The following KCNT2 variants were observed in gnomAD, a reference collection of about 807,000 sequenced individuals.
The protein encoded by KCNT2 is potassium channel subfamily T member 2.
A neutral mutation model predicts 153.8 loss-of-function variants in KCNT2; 67 were observed. The observed-to-expected ratio is 0.44, with a 90% CI of 0.36 to 0.53. The LOEUF (loss-of-function observed/expected upper bound fraction) is 0.53. Ranked by LOEUF, KCNT2 falls within the 20% of genes least tolerant of loss-of-function variation. The pLI is 0.00. For missense variants in KCNT2, 975 were observed against 1,354.8 expected (o/e 0.72, Z 4.40); for synonymous variants, 500 against 458.8 (o/e 1.09, Z -1.15).
chr1:196,513,526 T>C (rs1681807138), intron 1 of KCNT2, among the ~76,000 whole-genome samples: 1 of 152,160 alleles, frequency 6.6e-6, no homozygotes, highest in Non-Finnish European at 1.5e-5. Context: ...CAGACTTAAT[T>C]ATCGTACAAT....
At chr1:196,566,750 T>C (rs184278581) in intron 1 of KCNT2, among the ~76,000 whole-genome samples, 30 of 152,222 alleles carry the variant, frequency 2.0e-4, no homozygotes, top group Admixed American at 7.2e-4. Flanking sequence ...ATTTTGTATA[T>C]CACCATAGCA....
chr1:196,458,420 A>C (rs903817183), intron 8 of KCNT2, among the ~76,000 whole-genome samples: 6 of 151,924 alleles, frequency 3.9e-5, no homozygotes, highest in Admixed American at 6.6e-5. Context: ...CTTAAGTGTT[A>C]TCTTTGACAC....
chr1:196,411,470 C>T (rs1262910575), intron 12 of KCNT2, among the ~76,000 whole-genome samples: 10 of 92,530 alleles, frequency 1.1e-4, no homozygotes, highest in Admixed American at 2.3e-4. Context: ...AAAAAAAAAA[C>T]GGCCAGTGAG....
intron 1 of KCNT2, among the ~76,000 whole-genome samples, chr1:196,542,207 T>C (rs1321343524): frequency 6.6e-6 from 1 of 152,120 alleles, no homozygotes; most frequent in Non-Finnish European, 1.5e-5. Context: ...AGTAAGAGAA[T>C]ATAGTTTCTA....
intron 1 of KCNT2, among the ~76,000 whole-genome samples, chr1:196,592,956 A>C (rs971341715): frequency 2.7e-5 from 4 of 150,358 alleles, no homozygotes; most frequent in African/African-American, 9.7e-5. Context: ...ATGTGGGGGG[A>C]ACAGGTAGTA....
At chr1:196,328,112 AAAAG>A (rs985033593) in intron 18 of KCNT2, among the ~76,000 whole-genome samples, 17 of 152,324 alleles carry the variant, frequency 1.1e-4, no homozygotes, top group East Asian at 3.9e-4. Flanking sequence ...ATGTTTAAAT[AAAAG>A]AAAGAAAGTA....
intron 1 of KCNT2, among the ~76,000 whole-genome samples, chr1:196,570,768 C>T (rs1436798506): frequency 6.6e-6 from 1 of 152,088 alleles, no homozygotes; most frequent in East Asian, 1.9e-4. Context: ...TAGATTCTTA[C>T]TTGCTACTGG....
intron 3 of KCNT2, among the ~76,000 whole-genome samples, chr1:196,484,866 A>C (rs1337645678): frequency 6.6e-6 from 1 of 152,108 alleles, no homozygotes; most frequent in Non-Finnish European, 1.5e-5. Flanking sequence ...AAATTAGTTC[A>C]ACCATTGTCA....
intron 24 of KCNT2, among the ~76,000 whole-genome samples, chr1:196,281,852 G>A (rs1224067087): frequency 6.6e-6 from 1 of 151,634 alleles, no homozygotes; most frequent in Non-Finnish European, 1.5e-5. Flanking sequence ...TGCCCCCTGG[G>A]TTCACGCCAT....
chr1:196,576,724 T>A (rs1358466465), intron 1 of KCNT2, among the ~76,000 whole-genome samples: 4 of 152,136 alleles, frequency 2.6e-5, no homozygotes, highest in Non-Finnish European at 5.9e-5. Context: ...TTTAAATATG[T>A]ATGTTTATAG....
At chr1:196,568,465 C>G (rs972186914) in intron 1 of KCNT2, among the ~76,000 whole-genome samples, 1 of 151,614 alleles carries the variant, frequency 6.6e-6, no homozygotes, top group Non-Finnish European at 1.5e-5. Context: ...GTGTGGTGGC[C>G]GGCGCCTATA....
In KCNT2 at chr1:196,586,063, C is replaced by G. The variant is rs986985680; in HGVS notation, c.95+22152G>C. Among the ~76,000 whole-genome samples, 3 of 151,902 alleles carry G rather than the reference C, an allele frequency of 2.0e-5. 1 individual carries two copies. The highest frequency in any genetic ancestry group is 1.3e-4 in the Admixed American group (2 of 15,220). On this transcript the variant is annotated intron_variant, in intron 1 of 27. Transcript: ENST00000294725. ...CTCCTTGAACTCAGGAGTTTGAGACCAGCCTGCGCAACATGGCAAAACCCC... is the reference window on the plus strand; with the variant it reads ...CTCCTTGAACTCAGGAGTTTGAGACGAGCCTGCGCAACATGGCAAAACCCC...
chr1:196,230,377 C>A (rs1653843055), intron 27 of KCNT2, among the ~76,000 whole-genome samples: 1 of 151,936 alleles, frequency 6.6e-6, no homozygotes, highest in South Asian at 2.1e-4. Context: ...ATTGTTGAGA[C>A]TTAACACTTA....
Position 196,493,402 on chromosome 1 carries a change from A to T in KCNT2, c.96-1061T>A, listed in dbSNP as rs112444819. Reference sequence around the variant, plus strand: ...TACCTTAGAGAAAACTAGGAGAAAAAAAAAACAACTGACATTACAAAGCTG... The same window carrying T: ...TACCTTAGAGAAAACTAGGAGAAAATAAAAACAACTGACATTACAAAGCTG... On this transcript the variant is annotated intron_variant, in intron 1 of 27. Transcript: ENST00000294725. 4.5e-3 allele frequency among the ~76,000 whole-genome samples: 686 copies of T among 152,106 alleles called. 3 individuals are homozygous for T. Among genetic ancestry groups the T allele is most frequent in the African/African-American group, 0.016 (657 of 41,488 alleles).
chr1:196,586,156 TG>T (rs1176569218), intron 1 of KCNT2, among the ~76,000 whole-genome samples: 3 of 152,018 alleles, frequency 2.0e-5, no homozygotes, highest in Non-Finnish European at 4.4e-5. Flanking sequence ...CCCAGCTACT[TG>T]GGAGGCTGAG....
intron 14 of KCNT2, among the ~76,000 whole-genome samples, chr1:196,354,993 A>T (rs1275192833): frequency 6.6e-6 from 1 of 151,828 alleles, no homozygotes; most frequent in Non-Finnish European, 1.5e-5. Flanking sequence ...AATAATTCTG[A>T]CAAATCGTAG....
intron 18 of KCNT2, among the ~76,000 whole-genome samples, chr1:196,329,854 T>C (rs1179286944): frequency 7.2e-6 from 1 of 138,060 alleles, no homozygotes; most frequent in Non-Finnish European, 1.5e-5. Context: ...TACATATATG[T>C]ATATATGTGT....
At chr1:196,489,240 A>G (rs548172027) in intron 3 of KCNT2, among the ~76,000 whole-genome samples, 1 of 152,138 alleles carries the variant, frequency 6.6e-6, no homozygotes, top group East Asian at 1.9e-4. Flanking sequence ...TTACTCATGT[A>G]TCCATTCATT....
intron 1 of KCNT2, among the ~76,000 whole-genome samples, chr1:196,573,089 G>A (rs1660957701): frequency 6.6e-6 from 1 of 152,072 alleles, no homozygotes; most frequent in African/African-American, 2.4e-5. Context: ...CCTAATGAGA[G>A]AGACAGAAAA....
Sources: gnomAD v4.1 joint callset for allele counts (sites outside exome capture counted in the v4.1 genomes callset) on GRCh38, gnomAD v4.1.1 for gene constraint, MANE v1.5 for transcripts, NCBI Gene and HGNC (gene_info 2026-07-23, HGNC 2026-07-21) for gene names.